MYCT1: variants seen among roughly 807,000 people sequenced by gnomAD.
MYCT1 encodes myc target protein 1.
A neutral mutation model predicts 15.0 loss-of-function variants in MYCT1; 12 were observed. The observed-to-expected ratio is 0.80, with a 90% CI of 0.51 to 1.29. The LOEUF (loss-of-function observed/expected upper bound fraction) is 1.29. Ranked by LOEUF, MYCT1 falls within the 50% of genes most tolerant of loss-of-function variation. The pLI, the probability that MYCT1 is intolerant of heterozygous loss-of-function variation, is 0.00. For synonymous variants in MYCT1, 104 were observed against 102.7 expected, an observed-to-expected ratio of 1.01 and a Z score of -0.07; for missense variants, 287 against 279.1, an observed-to-expected ratio of 1.03 and a Z score of -0.20.
chr6:152,743,777 G>A, the MYCT1 span, among the ~76,000 whole-genome samples: 2 of 152,206 alleles, frequency 1.3e-5, no homozygotes, highest in African/African-American at 2.4e-5. Context: ...AAAGTGACAG[G>A]ACTAAATTAC....
At chr6:152,731,639 C>A in the MYCT1 span, among the ~76,000 whole-genome samples, 2 of 151,912 alleles carry the variant, frequency 1.3e-5, no homozygotes, top group Non-Finnish European at 2.9e-5. Context: ...TCTGTCCTTG[C>A]GATAGTTTGC....
intron 1 of MYCT1, among the ~76,000 whole-genome samples, chr6:152,714,891 G>T (rs756269187): frequency 1.3e-5 from 2 of 151,818 alleles, no homozygotes; most frequent in African/African-American, 4.8e-5. Context: ...GCAGTTAGGG[G>T]AAGATCACCT....
chr6:152,704,265 G>T (rs1003182520), intron 1 of MYCT1, among the ~76,000 whole-genome samples: 1 of 152,086 alleles, frequency 6.6e-6, no homozygotes, highest in Non-Finnish European at 1.5e-5. Flanking sequence ...GCCTCCCAAA[G>T]TGCTGGGATT....
At chr6:152,729,841 G>T in the MYCT1 span, among the ~76,000 whole-genome samples, 1 of 152,212 alleles carries the variant, frequency 6.6e-6, no homozygotes, top group Non-Finnish European at 1.5e-5. Context: ...CTGGGCAAAT[G>T]GCAGACTTGG....
chr6:152,699,292 A>T (rs1187658944), intron 1 of MYCT1, among the ~76,000 whole-genome samples: 1 of 152,068 alleles, frequency 6.6e-6, no homozygotes, highest in Non-Finnish European at 1.5e-5. Context: ...GTTTTAAAAG[A>T]TATTAAAATT....
At chr6:152,701,382 G>A (rs534360617) in intron 1 of MYCT1, among the ~76,000 whole-genome samples, 3 of 152,326 alleles carry the variant, frequency 2.0e-5, no homozygotes, top group South Asian at 4.1e-4. Context: ...GAACGTCTTG[G>A]CTAGAGATTC....
the MYCT1 span, among the ~76,000 whole-genome samples, chr6:152,739,782 A>G: frequency 6.6e-6 from 1 of 152,084 alleles, no homozygotes; most frequent in African/African-American, 2.4e-5. Flanking sequence ...ATATTTTTTT[A>G]AAGTCATAAA....
intron 1 of MYCT1, among the ~76,000 whole-genome samples, chr6:152,702,073 C>G (rs2099721417): frequency 6.6e-6 from 1 of 152,068 alleles, no homozygotes; most frequent in Non-Finnish European, 1.5e-5. Flanking sequence ...CTGGGATTCC[C>G]TAATCAATCT....
chr6:152,743,263 G>A, the MYCT1 span, among the ~76,000 whole-genome samples: 29 of 152,032 alleles, frequency 1.9e-4, no homozygotes, highest in Admixed American at 5.9e-4. Context: ...ATAGGGTTAT[G>A]CCATGTTGGT....
chr6:152,745,174 T>A, the MYCT1 span, among the ~76,000 whole-genome samples: 1 of 152,158 alleles, frequency 6.6e-6, no homozygotes, highest in Non-Finnish European at 1.5e-5. Context: ...CTAAGTAGGA[T>A]ATAGGGTCCC....
intron 1 of MYCT1, among the ~76,000 whole-genome samples, chr6:152,701,827 G>T (rs1244284737): frequency 6.6e-6 from 1 of 152,044 alleles, no homozygotes; most frequent in Non-Finnish European, 1.5e-5. Context: ...CCCTTATTCG[G>T]GTACTTCTCC....
chr6:152,706,102 G>T, intron 1 of MYCT1: 1 of 1,529,718 alleles, frequency 6.5e-7, no homozygotes, highest in Admixed American at 1.7e-5. Flanking sequence ...TGGAATGGGA[G>T]GTGGTATGAG....
the MYCT1 span, among the ~76,000 whole-genome samples, chr6:152,734,736 T>A: frequency 6.6e-6 from 1 of 152,172 alleles, no homozygotes; most frequent in Non-Finnish European, 1.5e-5. Context: ...ATAAGTGGCG[T>A]GGGTCTGGCC....
chr6:152,727,112 G>A (rs545570127), downstream of MYCT1, among the ~76,000 whole-genome samples: 1 of 151,738 alleles, frequency 6.6e-6, no homozygotes, highest in African/African-American at 2.4e-5. Context: ...TCGGGAGGCT[G>A]AGGCAGGAGA....
intron 1 of MYCT1, among the ~76,000 whole-genome samples, chr6:152,713,273 T>C (rs542047123): frequency 6.6e-6 from 1 of 152,242 alleles, no homozygotes; most frequent in East Asian, 1.9e-4. Flanking sequence ...ATTTCTTTGC[T>C]GAAATTTCCT....
downstream of MYCT1, among the ~76,000 whole-genome samples, chr6:152,725,832 T>C (rs996708466): frequency 1.3e-5 from 2 of 152,120 alleles, no homozygotes; most frequent in Non-Finnish European, 1.5e-5. Flanking sequence ...CCTGCTATAC[T>C]AGCCATGTGG....
At chr6:152,725,194 GAAGA>G (rs1424800289), downstream of MYCT1, among the ~76,000 whole-genome samples, 1 of 151,856 alleles carries the variant, frequency 6.6e-6, no homozygotes, top group African/African-American at 2.4e-5. Flanking sequence ...AACAAAAAAA[GAAGA>G]AAGAAGTTAA....
the MYCT1 span, among the ~76,000 whole-genome samples, chr6:152,739,531 C>T: frequency 1.3e-5 from 2 of 151,888 alleles, no homozygotes; most frequent in African/African-American, 4.8e-5. Context: ...TAACTTAAGC[C>T]TCTTTCATTT....
At chr6:152,733,696 T>C in the MYCT1 span, among the ~76,000 whole-genome samples, 1,913 of 152,288 alleles carry the variant, frequency 0.013, 52 homozygotes, top group African/African-American at 0.044. Flanking sequence ...TGTTAGGCTG[T>C]TGGTTTCTGT....
Sources: allele counts gnomAD v4.1 joint callset (sites outside exome capture counted in the v4.1 genomes callset), GRCh38; gene constraint gnomAD v4.1.1; transcripts MANE v1.5; gene names NCBI Gene and HGNC (gene_info 2026-07-23, HGNC 2026-07-21).